The following EMCN variants were observed in gnomAD, a reference collection of about 807,000 sequenced individuals.
EMCN encodes the protein MUC-14.
Under a neutral mutation model 38.4 loss-of-function variants are expected in EMCN, and 37 were observed. The ratio of observed to expected loss-of-function variants is 0.96; its 90% confidence interval spans 0.74 to 1.27. The LOEUF is 1.27. Ranked by LOEUF, EMCN falls within the 50% of genes most tolerant of loss-of-function variation. The pLI is 0.00. For synonymous variants in EMCN, 95 were observed against 100.8 expected, an observed-to-expected ratio of 0.94 and a Z score of 0.35; for missense variants, 318 against 302.8, an observed-to-expected ratio of 1.05 and a Z score of -0.37.
At chr4:100,443,704 C>T (rs1342238092) in intron 5 of EMCN, among the ~76,000 whole-genome samples, 1 of 152,130 alleles carries the variant, frequency 6.6e-6, no homozygotes, top group Non-Finnish European at 1.5e-5. Context: ...GGCACAGGTT[C>T]ACTTTCCAAG....
chr4:100,457,751 T>C (rs1488466242), intron 4 of EMCN, among the ~76,000 whole-genome samples: 1 of 152,202 alleles, frequency 6.6e-6, no homozygotes, highest in Non-Finnish European at 1.5e-5. Flanking sequence ...AATATCAGTC[T>C]GCAGTGTTCT....
intron 1 of EMCN, among the ~76,000 whole-genome samples, chr4:100,513,918 A>C (rs974245371): frequency 6.6e-6 from 1 of 152,184 alleles, no homozygotes; most frequent in African/African-American, 2.4e-5. Flanking sequence ...CTTTCAAGGC[A>C]CTTATAATCT....
intron 2 of EMCN, among the ~76,000 whole-genome samples, chr4:100,479,092 T>C (rs1459587109): frequency 6.6e-6 from 1 of 152,172 alleles, no homozygotes; most frequent in African/African-American, 2.4e-5. Flanking sequence ...CTTTCATTGG[T>C]CTTCTGCATA....
intron 5 of EMCN, among the ~76,000 whole-genome samples, chr4:100,438,025 A>C (rs72923842): frequency 6.6e-6 from 1 of 152,046 alleles, no homozygotes; most frequent in Non-Finnish European, 1.5e-5. Flanking sequence ...TGATTCATAA[A>C]TACAGTGTAT....
At chr4:100,494,842 A>G (rs993590922) in intron 1 of EMCN, among the ~76,000 whole-genome samples, 3 of 152,004 alleles carry the variant, frequency 2.0e-5, no homozygotes, top group African/African-American at 4.8e-5. Context: ...GTCAAGAAAA[A>G]ATGAAGCATC....
intron 1 of EMCN, among the ~76,000 whole-genome samples, chr4:100,514,591 G>A (rs868396670): frequency 6.6e-6 from 1 of 151,924 alleles, no homozygotes; most frequent in Non-Finnish European, 1.5e-5. Context: ...TTAACTATAT[G>A]AGTCAATATT....
chr4:100,434,122 A>G (rs1727281541), intron 5 of EMCN, among the ~76,000 whole-genome samples: 1 of 152,096 alleles, frequency 6.6e-6, no homozygotes, highest in South Asian at 2.1e-4. Flanking sequence ...AGAGACTACT[A>G]TCTAGACTAA....
At chr4:100,466,829 A>C (rs1458367362) in intron 3 of EMCN, among the ~76,000 whole-genome samples, 2 of 152,180 alleles carry the variant, frequency 1.3e-5, no homozygotes, top group East Asian at 3.9e-4. Context: ...CTGGAATTCC[A>C]ACATATGTTG....
Position 100,417,104 on chromosome 4 carries a change from T to C in EMCN, c.689+13A>G, listed in dbSNP as rs569832206. 5 of 1,613,228 alleles carry C rather than the reference T, an allele frequency of 3.1e-6. No individual in the cohort carries two copies. Among genetic ancestry groups the C allele is most frequent in the East Asian group, 2.2e-5 (1 of 44,834 alleles). ...GGTAGGGTCTAAACAAAAGATGATATGGGCTTACTTACTGATCATTTCCAT... is the reference window on the plus strand; with the variant it reads ...GGTAGGGTCTAAACAAAAGATGATACGGGCTTACTTACTGATCATTTCCAT... On this transcript the variant is annotated intron_variant, in intron 9 of 11. Transcript: ENST00000296420.
chr4:100,437,838 C>T (rs974890960), intron 5 of EMCN, among the ~76,000 whole-genome samples: 6 of 151,946 alleles, frequency 3.9e-5, no homozygotes, highest in African/African-American at 1.4e-4. Context: ...AAATGTGATG[C>T]CTCCAACTTT....
At chr4:100,414,457 C>T (rs1047404241) in intron 10 of EMCN, among the ~76,000 whole-genome samples, 2 of 142,562 alleles carry the variant, frequency 1.4e-5, no homozygotes, top group Non-Finnish European at 3.0e-5. Context: ...CTGTGAGTGG[C>T]TTCTAACCAC....
intron 7 of EMCN, among the ~76,000 whole-genome samples, chr4:100,421,802 A>C (rs1484664793): frequency 1.3e-5 from 2 of 152,074 alleles, no homozygotes; most frequent in Non-Finnish European, 2.9e-5. Flanking sequence ...TTTCTAAAAC[A>C]CTCACAAATT....
chr4:100,460,441 G>C (rs1464152470), intron 4 of EMCN, among the ~76,000 whole-genome samples: 3 of 152,132 alleles, frequency 2.0e-5, no homozygotes, highest in African/African-American at 7.2e-5. Context: ...TGAAATAAGA[G>C]GTTTACTTGA....
At chr4:100,475,379 T>C (rs1728608406) in intron 2 of EMCN, among the ~76,000 whole-genome samples, 1 of 151,410 alleles carries the variant, frequency 6.6e-6, no homozygotes, top group South Asian at 2.1e-4. Context: ...CTGAAGATTG[T>C]TACTTAGGTA....
chr4:100,462,812 TG>T (rs1451247809), intron 4 of EMCN, among the ~76,000 whole-genome samples: 2 of 152,156 alleles, frequency 1.3e-5, no homozygotes, highest in Non-Finnish European at 2.9e-5. Context: ...AATTATGGTG[TG>T]AAATTAGACT....
chr4:100,455,987 G>T (rs2110252916), intron 4 of EMCN, among the ~76,000 whole-genome samples: 2 of 152,136 alleles, frequency 1.3e-5, no homozygotes, highest in African/African-American at 4.8e-5. Flanking sequence ...TAGAGACAGG[G>T]TTTCACCACG....
intron 5 of EMCN, among the ~76,000 whole-genome samples, chr4:100,444,273 C>T (rs1251257517): frequency 6.6e-6 from 1 of 152,188 alleles, no homozygotes; most frequent in Non-Finnish European, 1.5e-5. Context: ...GAAATCATGT[C>T]CATATGGGTC....
intron 4 of EMCN, among the ~76,000 whole-genome samples, chr4:100,448,830 C>CCTTCTTT (rs1578201356): frequency 7.8e-5 from 11 of 141,358 alleles, no homozygotes; most frequent in East Asian, 2.1e-4. Context: ...CTTCCTCCCT[C>CCTTCTTT]CCTCCCTCCC....
At chr4:100,423,144 C>T (rs1726940842) in intron 6 of EMCN, 64 bp from the exon 7 acceptor site, 2 of 1,503,904 alleles carry the variant, frequency 1.3e-6, no homozygotes, top group Non-Finnish European at 1.9e-6. Context: ...AGTCCTCCCT[C>T]CACCCTCATT....
Sources: gnomAD v4.1 joint callset for allele counts (sites outside exome capture counted in the v4.1 genomes callset) on GRCh38, gnomAD v4.1.1 for gene constraint, MANE v1.5 for transcripts, NCBI Gene and HGNC (gene_info 2026-07-23, HGNC 2026-07-21) for gene names.